Variants in CNOT1 observed in about 807,000 individuals in gnomAD.
CNOT1 encodes CCR4-NOT transcription complex subunit 1, also known as CCR4-associated factor 1.
CNOT1 carries 15 observed loss-of-function variants against 273.8 expected under a neutral mutation model. The observed-to-expected ratio is 0.05, with a 90% CI of 0.04 to 0.08. The LOEUF is 0.08. CNOT1 is among the 10% of genes least tolerant of loss of function. CNOT1 has a pLI of 1.00. For synonymous variants in CNOT1, 1,022 were observed against 1,005.5 expected (o/e 1.02, Z -0.31); for missense variants, 1,644 against 2,912.2 (o/e 0.56, Z 10.02).
At chr16:58,604,428 A>G (rs1171941554) in intron 1 of CNOT1, among the ~76,000 whole-genome samples, 1 of 152,110 alleles carries the variant, frequency 6.6e-6, no homozygotes, top group Non-Finnish European at 1.5e-5. Flanking sequence ...GGCTCTTTAC[A>G]TGCCAGGGAC....
At chr16:58,527,242 G>C (rs1181698011) in intron 44 of CNOT1, among the ~76,000 whole-genome samples, 4 of 151,934 alleles carry the variant, frequency 2.6e-5, no homozygotes, top group Non-Finnish European at 5.9e-5. Flanking sequence ...CAACAATAAA[G>C]GCCGGGTGCA....
chr16:58,524,712 T>C (rs1250539748), intron 46 of CNOT1, among the ~76,000 whole-genome samples: 1 of 152,086 alleles, frequency 6.6e-6, no homozygotes, highest in East Asian at 1.9e-4. Flanking sequence ...AAATGAAATG[T>C]AGCTCAAGCA....
rs1243755564 is a variant in CNOT1, at chr16:58,546,349, T to C, written c.3978A>G (p.Pro1326=). Residue 1326 remains proline (P), a synonymous_variant, in exon 29 of 49, where the codon CCA becomes CCG. Coordinates refer to ENST00000317147, the MANE Select transcript of CNOT1 (RefSeq NM_016284.5). The part of the protein sequence containing the change: ...LSAPKKDVKQ[P]EELPPITTTT... ...TGGTTGTGATGGGAGGGAGTTCTTC[T>C]GGCTGCTTGACATCTTTCTTTGGAG... 1.9e-6 allele frequency: 3 copies of C among 1,613,946 alleles called. No homozygotes were observed. The highest frequency in any genetic ancestry group is 2.2e-5 in the South Asian group (2 of 91,070).
chr16:58,587,132 A>G, intron 6 of CNOT1, 69 bp downstream of exon 6: 3 of 1,544,838 alleles, frequency 1.9e-6, no homozygotes, highest in Non-Finnish European at 2.6e-6. Flanking sequence ...TAAATCACAG[A>G]GCCTCATGAT....
At chr16:58,619,208 T>C (rs1373796246) in intron 1 of CNOT1, among the ~76,000 whole-genome samples, 2 of 151,778 alleles carry the variant, frequency 1.3e-5, no homozygotes, top group African/African-American at 2.4e-5. Flanking sequence ...AAAAACAAAA[T>C]AACAGAGAGT....
chr16:58,528,376 C>T (rs767326137), intron 44 of CNOT1, 99 bp downstream of exon 44: 23 of 806,324 alleles, frequency 2.9e-5, no homozygotes, highest in South Asian at 8.6e-5. Context: ...TAATAGTGTG[C>T]GTGTTATGTT....
At chr16:58,628,904 T>G (rs77697455) in intron 1 of CNOT1, among the ~76,000 whole-genome samples, 6,589 of 152,264 alleles carry the variant, frequency 0.043, 377 homozygotes, top group East Asian at 0.31. Flanking sequence ...AAAGTATTAT[T>G]TGTGTTTGGC....
chr16:58,548,570 C>A (rs1408551638), intron 25 of CNOT1: 3 of 519,068 alleles, frequency 5.8e-6, no homozygotes, highest in Admixed American at 3.9e-5. Context: ...GCCAGGAATT[C>A]TTTTGCACTA....
At chr16:58,573,520 G>A (rs1313563272) in intron 16 of CNOT1, among the ~76,000 whole-genome samples, 94 of 129,690 alleles carry the variant, frequency 7.2e-4, no homozygotes, top group African/African-American at 1.1e-3. Context: ...TCGCTCTGTC[G>A]CCCAGGCTGG....
chr16:58,612,407 CCTTGT>C (rs142700504), intron 1 of CNOT1, among the ~76,000 whole-genome samples: 2,276 of 152,214 alleles, frequency 0.015, 44 homozygotes, highest in African/African-American at 0.052. Context: ...TCAATCTGAG[CCTTGT>C]CTTTTTTTCA....
Position 58,537,189 on chromosome 16 carries a change from T to G in CNOT1, c.5446A>C (p.Asn1816His). The change falls in exon 39 of 49, where the codon AAC becomes CAC. Residue 1816 changes from asparagine (N) to histidine (H), a missense_variant. Physicochemically the swap from Asn to His is moderately conservative, Grantham distance 68 (BLOSUM62 1). Coordinates refer to ENST00000317147, the MANE Select transcript of CNOT1 (RefSeq NM_016284.5). Reference protein sequence around the residue: ...LPQLMEVVRSNYEAMIDRAHG... With the variant: ...LPQLMEVVRSHYEAMIDRAHG... ...GCACGATCAATCATTGCTTCATAGT[T>G]GGATCGCACTACTTCCATCAGCTGG... 6.2e-7 allele frequency: 1 copy of G among 1,611,228 alleles called. No homozygotes were observed. The highest frequency in any genetic ancestry group is 2.2e-5 in the East Asian group (1 of 44,846).
At chr16:58,536,523 G>A (rs1474238226) in intron 39 of CNOT1, among the ~76,000 whole-genome samples, 1 of 151,984 alleles carries the variant, frequency 6.6e-6, no homozygotes, top group Non-Finnish European at 1.5e-5. Flanking sequence ...AAAATACTGG[G>A]AAGTATTTTC....
At position 58,608,804 on chromosome 16, in the gene CNOT1, G is replaced by A. The variant is rs1208613538; in HGVS notation, c.-174-9293C>T. 2.0e-5 allele frequency among the ~76,000 whole-genome samples: 3 copies of A among 152,110 alleles called. No homozygotes were observed. The East Asian group carries it at 5.8e-4, about 29-fold the overall frequency. On this transcript the variant is annotated intron_variant, in intron 1 of 48. Transcript: ENST00000317147. ...CAGCCATAAAAAGGAATGAATTAAT[G>A]GCATTCGCAGCGACCTGGATGAGAC...
chr16:58,525,510 C>G, intron 45 of CNOT1, 151 bp from the exon 46 acceptor site: 1 of 658,740 alleles, frequency 1.5e-6, no homozygotes, highest in Non-Finnish European at 2.6e-6. Flanking sequence ...ATTTAACAAA[C>G]ACACAGATGC....
intron 2 of CNOT1, among the ~76,000 whole-genome samples, chr16:58,594,446 T>TA (rs2042177150): frequency 6.6e-6 from 1 of 152,084 alleles, no homozygotes; most frequent in Non-Finnish European, 1.5e-5. Context: ...GTTCTGAAAT[T>TA]AGATAGTGGT....
chr16:58,607,721 C>CAAAAAAAAAAAAAAAAAA (rs71385179), intron 1 of CNOT1, among the ~76,000 whole-genome samples: 17 of 67,102 alleles, frequency 2.5e-4, no homozygotes, highest in South Asian at 6.0e-4. Context: ...CAGCAAAACT[C>CAAAAAAAAAAAAAAAAAA]AAAAAAAAAA....
chr16:58,591,012 CAG>C (rs141586119), intron 2 of CNOT1, among the ~76,000 whole-genome samples: 1,699 of 152,252 alleles, frequency 0.011, 33 homozygotes, highest in African/African-American at 0.039. Flanking sequence ...GAAAGTAAAA[CAG>C]AGCTTGCTAA....
At chr16:58,607,143 T>C (rs932785873) in intron 1 of CNOT1, among the ~76,000 whole-genome samples, 2 of 152,126 alleles carry the variant, frequency 1.3e-5, no homozygotes, top group Admixed American at 6.6e-5. Flanking sequence ...TCTCGATCAA[T>C]AGCAGTTACA....
chr16:58,528,196 A>T, intron 44 of CNOT1: 1 of 521,776 alleles, frequency 1.9e-6, no homozygotes, highest in Non-Finnish European at 3.6e-6. Context: ...CTGCCCCAAC[A>T]CCTAAGCTGT....
Sources: gnomAD v4.1 joint callset for allele counts (sites outside exome capture counted in the v4.1 genomes callset) on GRCh38, gnomAD v4.1.1 for gene constraint, MANE v1.5 for transcripts, NCBI Gene and HGNC (gene_info 2026-07-23, HGNC 2026-07-21) for gene names.